SLC60A1: variants seen among roughly 807,000 people sequenced by gnomAD.
SLC60A1 encodes solute carrier family 60 member 1, also known as major facilitator superfamily domain containing 4.
At chr1:205,580,595 G>C in the SLC60A1 span, 1 of 1,575,226 alleles carries the variant, frequency 6.3e-7, no homozygotes, top group Non-Finnish European at 8.6e-7. The surrounding 1 kb of genome is among the most constrained non-coding windows in gnomAD (Gnocchi z 5.0). Flanking sequence ...CCGGAGGCCA[G>C]GCCACCACTT....
At chr1:205,596,999 T>C in the SLC60A1 span, among the ~76,000 whole-genome samples, 1 of 152,190 alleles carries the variant, frequency 6.6e-6, no homozygotes, top group Non-Finnish European at 1.5e-5. Context: ...CAAGTCTGAC[T>C]CTGAAGCTTG....
At chr1:205,573,133 G>A in the SLC60A1 span, among the ~76,000 whole-genome samples, 2 of 152,104 alleles carry the variant, frequency 1.3e-5, no homozygotes, top group Non-Finnish European at 2.9e-5. Flanking sequence ...TATATTGGCC[G>A]GGCACATTGG....
At chr1:205,569,308 C>G in the SLC60A1 span, 16 of 1,486,542 alleles carry the variant, frequency 1.1e-5, no homozygotes, top group African/African-American at 1.5e-5. Context: ...ACGTGAGTGC[C>G]GCGCCCGTGC....
the SLC60A1 span, among the ~76,000 whole-genome samples, chr1:205,573,567 T>TTATAC: frequency 2.0e-5 from 3 of 151,828 alleles, no homozygotes; most frequent in Non-Finnish European, 4.4e-5. Flanking sequence ...AGATCACATA[T>TTATAC]CATTTAATTT....
At chr1:205,593,480 C>T in the SLC60A1 span, among the ~76,000 whole-genome samples, 4 of 146,354 alleles carry the variant, frequency 2.7e-5, no homozygotes, top group Non-Finnish European at 4.5e-5. Flanking sequence ...AAAAGATGAG[C>T]GATTTCTTTA....
At chr1:205,583,927 C>A in the SLC60A1 span, 6 of 1,604,510 alleles carry the variant, frequency 3.7e-6, no homozygotes, top group African/African-American at 1.3e-5. Flanking sequence ...CAGGGCAGGG[C>A]TCTCCTGACC....
the SLC60A1 span, among the ~76,000 whole-genome samples, chr1:205,578,827 C>T: frequency 2.6e-4 from 39 of 152,320 alleles, no homozygotes; most frequent in African/African-American, 9.4e-4. Context: ...TGAGAAAGTT[C>T]CTCTACAACC....
chr1:205,571,174 C>G, the SLC60A1 span, among the ~76,000 whole-genome samples: 1 of 152,244 alleles, frequency 6.6e-6, no homozygotes, highest in African/African-American at 2.4e-5. Flanking sequence ...ATCTTCACAA[C>G]CACCTTGCGA....
the SLC60A1 span, among the ~76,000 whole-genome samples, chr1:205,575,204 GC>G: frequency 6.6e-6 from 1 of 152,186 alleles, no homozygotes; most frequent in East Asian, 1.9e-4. Context: ...GTGGATAGGG[GC>G]TAGGGACACT....
At chr1:205,597,705 A>T in the SLC60A1 span, 17 of 1,539,142 alleles carry the variant, frequency 1.1e-5, no homozygotes, top group Non-Finnish European at 1.4e-5. Flanking sequence ...GTGCCTGGCC[A>T]GCAACCTGGA....
chr1:205,591,019 C>T, the SLC60A1 span, among the ~76,000 whole-genome samples: 59 of 152,356 alleles, frequency 3.9e-4, no homozygotes, highest in African/African-American at 1.4e-3. Context: ...AAAAACACAT[C>T]GGGACTTCCA....
chr1:205,592,297 G>A, the SLC60A1 span: 6 of 1,603,468 alleles, frequency 3.7e-6, no homozygotes, highest in African/African-American at 4.0e-5. Flanking sequence ...GGTGAGGGCC[G>A]GGCCCGAGCC....
At chr1:205,584,733 CT>C in the SLC60A1 span, 1 of 722,824 alleles carries the variant, frequency 1.4e-6, no homozygotes, top group East Asian at 2.5e-5. Flanking sequence ...GGGGTTATTC[CT>C]AACAGAAAGG....
the SLC60A1 span, among the ~76,000 whole-genome samples, chr1:205,592,928 A>G: frequency 1.3e-5 from 2 of 152,208 alleles, no homozygotes; most frequent in African/African-American, 2.4e-5. Context: ...TTTCAGTAAC[A>G]GTACGTGCCT....
the SLC60A1 span, among the ~76,000 whole-genome samples, chr1:205,590,346 C>A: frequency 6.6e-6 from 1 of 152,178 alleles, no homozygotes. Flanking sequence ...AAAGACATGA[C>A]CTTTGGAACC....
At chr1:205,601,375 T>C in the SLC60A1 span, 1 of 152,162 alleles carries the variant, frequency 6.6e-6, no homozygotes, top group African/African-American at 2.4e-5. Context: ...CCATGGACAC[T>C]GGCAAAAGCT....
At chr1:205,594,033 A>G in the SLC60A1 span, among the ~76,000 whole-genome samples, 10 of 152,180 alleles carry the variant, frequency 6.6e-5, no homozygotes, top group Non-Finnish European at 1.0e-4. Flanking sequence ...GATCCTGGCC[A>G]CGGTGAAAAC....
chr1:205,585,014 C>T, the SLC60A1 span: 44 of 1,600,860 alleles, frequency 2.7e-5, no homozygotes, highest in African/African-American at 5.2e-4. The surrounding 1 kb of genome is among the most constrained non-coding windows in gnomAD (Gnocchi z 4.2). Context: ...CAGAGGGCGC[C>T]CCCTACTGGG....
chr1:205,585,526 T>A, the SLC60A1 span, among the ~76,000 whole-genome samples: 1 of 152,180 alleles, frequency 6.6e-6, no homozygotes, highest in Non-Finnish European at 1.5e-5. The surrounding 1 kb of genome is among the most constrained non-coding windows in gnomAD (Gnocchi z 4.2). Flanking sequence ...ATCAACTGAT[T>A]GCCATATGAT....
Sources: gnomAD v4.1 joint callset for allele counts (sites outside exome capture counted in the v4.1 genomes callset) on GRCh38, gnomAD v4.1.1 for gene constraint, Gnocchi (gnomAD v3.1) non-coding constraint, MANE v1.5 for transcripts, NCBI Gene and HGNC (gene_info 2026-07-23, HGNC 2026-07-21) for gene names.